Variants in EVPLL observed in about 807,000 individuals in gnomAD.
EVPLL encodes envoplakin-like protein.
EVPLL carries 39 observed loss-of-function variants against 46.2 expected under a neutral mutation model. That is an observed-to-expected ratio of 0.84 (90% confidence interval 0.65 to 1.10). EVPLL has a LOEUF of 1.10. Ranked by LOEUF, EVPLL falls within the 50% of genes least tolerant of loss-of-function variation. EVPLL has a pLI of 0.00. For missense variants in EVPLL, 385 were observed against 412.6 expected, an observed-to-expected ratio of 0.93 and a Z score of 0.58; for synonymous variants, 156 against 165.8, an observed-to-expected ratio of 0.94 and a Z score of 0.46.
At chr17:18,387,639 A>G (rs1987811235) in intron 9 of EVPLL, among the ~76,000 whole-genome samples, 1 of 151,894 alleles carries the variant, frequency 6.6e-6, no homozygotes, top group African/African-American at 2.4e-5. Flanking sequence ...GGGGGGCTTC[A>G]TCTGGATTGT....
chr17:18,378,067 C>T, intron 1 of EVPLL, 84 bp downstream of exon 1: 1 of 441,242 alleles, frequency 2.3e-6, no homozygotes, highest in Non-Finnish European at 3.9e-6. Context: ...CTGGCGGCGG[C>T]CCAGAGCCCA....
At chr17:18,385,872 C>T (rs1987748860) in intron 9 of EVPLL, among the ~76,000 whole-genome samples, 1 of 152,290 alleles carries the variant, frequency 6.6e-6, no homozygotes, top group East Asian at 1.9e-4. Context: ...ACCCTGCACC[C>T]CGCCGTCCCC....
At position 18,388,027 on chromosome 17, in the gene EVPLL, C is replaced by CAT. The variant is rs1254660225; in HGVS notation, c.877-178_877-177dup. On this transcript the variant is annotated intron_variant, in intron 9 of 10. Coordinates refer to ENST00000399134, the MANE Select transcript of EVPLL (RefSeq NM_001145127.2). ...GACCCTGTCTCTCTCTCTCTCTCTC[C>CAT]ATATATATATATATACATATATATG... 8.9e-3 allele frequency: 763 copies of CAT among 86,076 alleles called. 5 individuals carry two copies. Among genetic ancestry groups the CAT allele is most frequent in the African/African-American group, 0.034 (398 of 11,734 alleles). 5.3% of individuals were successfully genotyped at this position (86,076 alleles called of 1,614,324 possible). A position where few individuals can be genotyped will look rare whatever the true frequency, so the allele number is the denominator to read the frequency against.
chr17:18,382,722 C>A, intron 5 of EVPLL, 84 bp downstream of exon 5: 2 of 1,555,334 alleles, frequency 1.3e-6, no homozygotes, highest in Non-Finnish European at 1.7e-6. Context: ...ATCGGCTGGG[C>A]CCTGGGGATA....
At chr17:18,388,027 C>CATAT (rs1254660225) in intron 9 of EVPLL, 192 bp from the exon 10 acceptor site, 3 of 87,118 alleles carry the variant, frequency 3.4e-5, no homozygotes, top group East Asian at 1.7e-4. Flanking sequence ...TCTCTCTCTC[C>CATAT]ATATATATAT....
rs1987862929 is a variant in EVPLL, at chr17:18,388,975, C to T, written c.*159C>T. ...TGCAGCTAGAGGTAGCTCCAGAGTC[C>T]TCCGGGCCCTGCACCGATACAGCCA... is the stretch of plus-strand genomic sequence containing the variant. On this transcript the variant is annotated 3_prime_UTR_variant, in exon 11 of 11. Coordinates refer to ENST00000399134, the MANE Select transcript of EVPLL (RefSeq NM_001145127.2). 7.2e-6 allele frequency: 1 copy of T among 138,580 alleles called. No homozygotes were observed. Among genetic ancestry groups the T allele is most frequent in the Non-Finnish European group, 1.6e-5 (1 of 63,362 alleles). 8.6% of individuals were successfully genotyped at this position (138,580 alleles called of 1,614,324 possible).
chr17:18,388,181 T>G, intron 9 of EVPLL, 38 bp from the exon 10 acceptor site: 3 of 1,295,476 alleles, frequency 2.3e-6, no homozygotes, highest in Admixed American at 2.0e-5. Flanking sequence ...CTCCCAACTC[T>G]TCTCCCCACC....
At chr17:18,382,450 G>A (rs925052666) in intron 4 of EVPLL, 63 bp from the exon 5 acceptor site, 78 of 1,543,782 alleles carry the variant, frequency 5.1e-5, no homozygotes, top group African/African-American at 3.8e-4. Flanking sequence ...GGTGGGAGAC[G>A]TGTGGGGTTC....
chr17:18,388,008 GTCTC>G (rs926460398), intron 9 of EVPLL: 17 of 121,950 alleles, frequency 1.4e-4, no homozygotes, highest in African/African-American at 4.3e-4. Flanking sequence ...GCAAGACCCT[GTCTC>G]TCTCTCTCTC....
At chr17:18,385,133 C>T (rs1390474373) in intron 9 of EVPLL, among the ~76,000 whole-genome samples, 1 of 150,390 alleles carries the variant, frequency 6.6e-6, no homozygotes, top group African/African-American at 2.5e-5. Flanking sequence ...TTGTAGGTCA[C>T]CATCACCTAA....
Position 18,382,685 on chromosome 17 carries a change from T to C in EVPLL, c.472+47T>C, listed in dbSNP as rs771878116. On this transcript the variant is annotated intron_variant, in intron 5 of 10. Coordinates refer to ENST00000399134, the MANE Select transcript of EVPLL (RefSeq NM_001145127.2). ...TACATCCGGGGCCAGCCCCAGCCCC[T>C]GTTTTTCCAGTCAGAGCCGGAGCTA... 2.3e-5 allele frequency: 35 copies of C among 1,551,854 alleles called. 1 individual carries two copies. The Middle Eastern group carries it at 8.3e-4, about 37-fold the overall frequency.
chr17:18,382,517 T>A lies in EVPLL; in HGVS notation c.351T>A (p.Ala117=). 6.4e-7 allele frequency: 1 copy of A among 1,551,558 alleles called. No homozygotes were observed. ...LGTRAGAETE[A]GLRRPVWAGH... is the part of the protein sequence containing the mutation. Reference sequence around the variant, plus strand: ...GAGCCGCCGGCTCTCCTGCAGAAGCTGGTCTGCGCAGGCCAGTATGGGCCG... The same window carrying A: ...GAGCCGCCGGCTCTCCTGCAGAAGCAGGTCTGCGCAGGCCAGTATGGGCCG... The change falls in exon 5 of 11, where the codon GCT becomes GCA. Residue 117 remains alanine (A), a synonymous_variant. Transcript: ENST00000399134.
chr17:18,382,662 C>A (rs770830173), intron 5 of EVPLL, 24 bp downstream of exon 5: 2 of 1,551,926 alleles, frequency 1.3e-6, no homozygotes, highest in African/African-American at 1.4e-5. Context: ...GAAGATGTTA[C>A]ATCCGGGGCC....
intron 9 of EVPLL, among the ~76,000 whole-genome samples, chr17:18,384,796 GCCTCCCTTGGACCAC>G (rs1162371919): frequency 6.6e-6 from 1 of 152,190 alleles, no homozygotes; most frequent in Non-Finnish European, 1.5e-5. Context: ...GGGGCACTGG[GCCTCCCTTGGACCAC>G]CCGGTTCTCT....
In EVPLL at chr17:18,387,827, C is replaced by T. The variant is rs547856320; in HGVS notation, c.877-392C>T. The T allele has an allele frequency of 5.9e-4, 90 of 152,620 alleles. 1 individual carries two copies. In the South Asian group the frequency reaches 0.018, roughly 30 times the overall value. 9.5% of individuals were successfully genotyped at this position (152,620 alleles called of 1,614,324 possible). On this transcript the variant is annotated intron_variant, in intron 9 of 10. Coordinates refer to ENST00000399134, the MANE Select transcript of EVPLL (RefSeq NM_001145127.2). ...GAGGTCCAGACCAGCCTGGATAACA[C>T]GGCGAGATCCTGTCTCTACAAGAAA...
At position 18,381,547 on chromosome 17, in the gene EVPLL, G is replaced by C. The variant is rs1194909477; in HGVS notation, c.218+26G>C. The stretch of plus-strand genomic sequence containing the variant: ...GTGAGTGGGGCTGCGGCAGGGCTGG[G>C]GGTCCCTGGGGAAGACCCAGGCCCA... On this transcript the variant is annotated intron_variant, in intron 3 of 10. Coordinates refer to ENST00000399134, the MANE Select transcript of EVPLL (RefSeq NM_001145127.2). This position sits in a 1 kb window ranked among gnomAD's most constrained non-coding sequence, Gnocchi z 4.2. The C allele has an allele frequency of 1.2e-6, 2 of 1,613,318 alleles. No homozygotes were observed. The highest frequency in any genetic ancestry group is 2.2e-5 in the South Asian group (2 of 91,062).
Position 18,377,925 on chromosome 17 carries a change from T to TCC in EVPLL, c.-91_-90dup. 8 of 1,125,312 alleles carry TCC rather than the reference T, an allele frequency of 7.1e-6. No homozygotes were observed. The South Asian group carries it at 1.2e-4, about 16-fold the overall frequency. 69.7% of individuals were successfully genotyped at this position (1,125,312 alleles called of 1,614,324 possible). ...GAGCAAAGGCTCCCAGGGGAAGGGGTCCCCCAAGGACTCCCCAGCCAAGGG... is the reference window on the plus strand; with the variant it reads ...GAGCAAAGGCTCCCAGGGGAAGGGGTCCCCCCCAAGGACTCCCCAGCCAAGGG... On this transcript the variant is annotated 5_prime_UTR_variant, in exon 1 of 11. An upstream open reading frame in the 5' UTR loses its in-frame stop. Coordinates refer to ENST00000399134, the MANE Select transcript of EVPLL (RefSeq NM_001145127.2).
Position 18,381,214 on chromosome 17 carries a change from T to C in EVPLL, c.64-153T>C, listed in dbSNP as rs1987557891. On this transcript the variant is annotated intron_variant, in intron 2 of 10. Transcript: ENST00000399134. This position sits in a 1 kb window ranked among gnomAD's most constrained non-coding sequence, Gnocchi z 4.2. ...CCCTGTGTCTTTGTCACCTGCCTCA[T>C]GGACGCCCTGGGCCTGACCCTGTGC... The C allele has an allele frequency of 2.3e-6, 3 of 1,332,214 alleles. No individual in the cohort carries two copies. The highest frequency in any genetic ancestry group is 2.6e-5 in the Admixed American group (1 of 38,570). The allele number at this position is 1,332,214 out of a possible 1,614,324, so 82.5% of individuals were successfully genotyped here. A position where few individuals can be genotyped will look rare whatever the true frequency, so the allele number is the denominator to read the frequency against.
At chr17:18,378,301 G>A (rs1471496892) in intron 1 of EVPLL, among the ~76,000 whole-genome samples, 1 of 152,208 alleles carries the variant, frequency 6.6e-6, no homozygotes, top group East Asian at 1.9e-4. Context: ...GCCCTCCTCT[G>A]CCAGAGGCTG....
Sources: allele counts gnomAD v4.1 joint callset (sites outside exome capture counted in the v4.1 genomes callset), GRCh38; gene constraint gnomAD v4.1.1; non-coding constraint Gnocchi (gnomAD v3.1); transcripts MANE v1.5; gene names NCBI Gene and HGNC (gene_info 2026-07-23, HGNC 2026-07-21).